Variants in SCN9A observed in about 807,000 individuals in gnomAD.
SCN9A encodes the protein sodium channel protein type 9 subunit alpha.
A neutral mutation model predicts 187.0 loss-of-function variants in SCN9A; 131 were observed. The observed-to-expected ratio is 0.70, with a 90% CI of 0.61 to 0.81. The LOEUF (loss-of-function observed/expected upper bound fraction) is 0.81, where lower values mean the gene tolerates loss of function less well. SCN9A is among the 30% of genes least tolerant of loss of function. The pLI, the probability that SCN9A is intolerant of heterozygous loss-of-function variation, is 0.00. For missense variants in SCN9A, 2,252 were observed against 2,396.6 expected (o/e 0.94, Z 1.26); for synonymous variants, 809 against 808.6 (o/e 1.00, Z -0.01).
chr2:166,214,316 C>T (rs1694225776), intron 24 of SCN9A, among the ~76,000 whole-genome samples: 1 of 152,084 alleles, frequency 6.6e-6, no homozygotes, highest in Non-Finnish European at 1.5e-5. Flanking sequence ...CATCTTCCAA[C>T]TTCCCCATGG....
chr2:166,204,095 T>G lies in SCN9A; in HGVS notation c.4634A>C (p.Glu1545Ala), dbSNP rs1693674775. ...EKEGQSQHMT[E>A]VLYWINVVFI... ...AACCACATTTATCCAATATAAAACT[T>G]CAGTCATATGTTGACTTTGACCCTC... is the stretch of plus-strand genomic sequence containing the variant. Residue 1545 changes from glutamate (E) to alanine (A), a missense_variant, in exon 26 of 27, where the codon GAA becomes GCA. Physicochemically the swap from Glu to Ala is moderately radical, Grantham distance 107 (BLOSUM62 -1). Transcript: ENST00000642356. 6.2e-7 allele frequency: 1 copy of G among 1,612,710 alleles called. No individual in the cohort carries two copies. Among genetic ancestry groups the G allele is most frequent in the Non-Finnish European group, 8.5e-7 (1 of 1,179,200 alleles).
chr2:166,262,440 C>A (rs2106442936), intron 17 of SCN9A, among the ~76,000 whole-genome samples: 1 of 151,970 alleles, frequency 6.6e-6, no homozygotes, highest in South Asian at 2.1e-4. Flanking sequence ...AAAAATCACA[C>A]ATTATTACCA....
At chr2:166,255,064 T>C (rs1696206748) in intron 17 of SCN9A, among the ~76,000 whole-genome samples, 1 of 151,062 alleles carries the variant, frequency 6.6e-6, no homozygotes, top group Non-Finnish European at 1.5e-5. Flanking sequence ...TTCCCTCCAC[T>C]ATCTCCTTGA....
chr2:166,210,778 G>A (rs1694054400), intron 24 of SCN9A, among the ~76,000 whole-genome samples: 1 of 152,146 alleles, frequency 6.6e-6, no homozygotes, highest in South Asian at 2.1e-4. Flanking sequence ...AGAAGTCTCG[G>A]CTGGGCATGG....
chr2:166,211,387 T>C (rs926036424), intron 24 of SCN9A, among the ~76,000 whole-genome samples: 1 of 152,088 alleles, frequency 6.6e-6, no homozygotes, highest in Admixed American at 6.5e-5. Context: ...TTATAGGAAA[T>C]GCTAAAGTGA....
At chr2:166,228,510 G>T (rs1213171397) in intron 22 of SCN9A, among the ~76,000 whole-genome samples, 181 bp downstream of exon 22, 1 of 151,816 alleles carries the variant, frequency 6.6e-6, no homozygotes, top group Non-Finnish European at 1.5e-5. Context: ...GCCCACCTTG[G>T]CCTCCCAAAG....
intron 10 of SCN9A, 62 bp from the exon 11 acceptor site, chr2:166,286,685 ACAGGACATC>A: frequency 3.0e-6 from 4 of 1,344,214 alleles, no homozygotes; most frequent in Non-Finnish European, 2.9e-6. Context: ...AAACCCTAGG[ACAGGACATC>A]TTTCACCTAT....
rs569525422 is a variant in SCN9A at position 166,361,318 on chromosome 2, GC to G, written c.-51+14378del. On this transcript the variant is annotated intron_variant, in intron 1 of 26. Coordinates refer to ENST00000642356, the MANE Select transcript of SCN9A (RefSeq NM_001365536.1). ...TATTTGCTTACTTTATAATAGAAAAGCTTTTGTATTGCATATACAAAACCTT... is the reference window on the plus strand; with the variant it reads ...TATTTGCTTACTTTATAATAGAAAAGTTTTGTATTGCATATACAAAACCTT... Among the ~76,000 whole-genome samples, 23 of 152,136 alleles carry G rather than the reference GC, an allele frequency of 1.5e-4. 1 individual carries two copies. The South Asian group carries it at 4.6e-3, about 30-fold the overall frequency.
chr2:166,210,957 AGGCT>A (rs1027426245), intron 24 of SCN9A, among the ~76,000 whole-genome samples: 4 of 152,208 alleles, frequency 2.6e-5, no homozygotes, highest in Admixed American at 2.6e-4. Context: ...GCTACTCGGG[AGGCT>A]GAGGCAGAGA....
chr2:166,306,242 C>T (rs1291122050), intron 4 of SCN9A, among the ~76,000 whole-genome samples: 1 of 152,090 alleles, frequency 6.6e-6, no homozygotes, highest in African/African-American at 2.4e-5. Flanking sequence ...ATAAAACATA[C>T]ACCCAAGAAT....
intron 1 of SCN9A, among the ~76,000 whole-genome samples, chr2:166,370,269 C>A (rs1273202962): frequency 7.1e-6 from 1 of 140,096 alleles, no homozygotes; most frequent in African/African-American, 2.8e-5. Context: ...ATGGGCTGAG[C>A]GCGGTGGCTC....
rs121908916 is a variant in SCN9A at position 166,303,162 on chromosome 2, G to T, written c.829C>A (p.Arg277=). The T allele has an allele frequency of 2.7e-5, 44 of 1,612,620 alleles. No individual in the cohort carries two copies. Among genetic ancestry groups the T allele is most frequent in the Middle Eastern group, 1.7e-4 (1 of 6,056 alleles). Residue 277 remains arginine (R), a synonymous_variant, in exon 7 of 27, where the codon CGA becomes AGA. Coordinates refer to ENST00000642356, the MANE Select transcript of SCN9A (RefSeq NM_001365536.1). Reference sequence around the variant, plus strand: ...GTTTCATTATTTTCAAGTGAATTTCGAAAACATTTATGCTTCAGGTTTCCC... The same window carrying T: ...GTTTCATTATTTTCAAGTGAATTTCTAAAACATTTATGCTTCAGGTTTCCC... ...FMGNLKHKCF[R]NSLENNETLE...
chr2:166,366,042 G>A (rs192417863), intron 1 of SCN9A, among the ~76,000 whole-genome samples: 11 of 152,316 alleles, frequency 7.2e-5, no homozygotes, highest in Non-Finnish European at 1.0e-4. Context: ...GAGGGACTCA[G>A]CAGCCGCTTA....
Position 166,204,154 on chromosome 2 carries a change from G to C in SCN9A, c.4575C>G (p.Ile1525Met), listed in dbSNP as rs961831587. 1 of 1,611,748 alleles carries C rather than the reference G, an allele frequency of 6.2e-7. No homozygotes were observed. The highest frequency in any genetic ancestry group is 8.5e-7 in the Non-Finnish European group (1 of 1,178,228). Residue 1525 changes from isoleucine (I) to methionine (M), a missense_variant, in exon 26 of 27, where the codon ATC (isoleucine) becomes ATG (methionine). Coordinates refer to ENST00000642356, the MANE Select transcript of SCN9A (RefSeq NM_001365536.1). ...CCATCATGGTTACCATGTTGAGACA[G>C]ATAAGAACCATGATACTAATATCAA... The part of the protein sequence containing the change: ...QAFDISIMVL[I>M]CLNMVTMMVE...
chr2:166,252,725 G>A (rs1424326030), intron 17 of SCN9A, among the ~76,000 whole-genome samples: 1 of 151,522 alleles, frequency 6.6e-6, no homozygotes, highest in Non-Finnish European at 1.5e-5. Flanking sequence ...ACGCAAATAG[G>A]TTTTTCTCAC....
chr2:166,330,567 C>T (rs928943829), intron 1 of SCN9A, among the ~76,000 whole-genome samples: 3 of 152,116 alleles, frequency 2.0e-5, no homozygotes, highest in Non-Finnish European at 2.9e-5. Context: ...TTAGTGATAA[C>T]ACCTGGCAAT....
rs1275434115 is a variant in SCN9A at position 166,199,755 on chromosome 2, C to T, written c.4884G>A (p.Lys1628=). ...GRILRLVKGA[K]GIRTLLFALM... The stretch of plus-strand genomic sequence containing the variant: ...AAGCAAAGAGCAGCGTGCGGATCCC[C>T]TTTGCTCCTTTGACTAGACGTAGGA... Residue 1628 remains lysine (K), a synonymous_variant, in exon 27 of 27, where the codon AAG becomes AAA. Coordinates refer to ENST00000642356, the MANE Select transcript of SCN9A (RefSeq NM_001365536.1). 3 of 1,614,080 alleles carry T rather than the reference C, an allele frequency of 1.9e-6. No homozygotes were observed. Among genetic ancestry groups the T allele is most frequent in the Non-Finnish European group, 2.5e-6 (3 of 1,180,026 alleles).
intron 9 of SCN9A, among the ~76,000 whole-genome samples, chr2:166,289,058 G>A (rs1397329483): frequency 6.6e-6 from 1 of 151,520 alleles, no homozygotes; most frequent in Non-Finnish European, 1.5e-5. Context: ...TTAACACTAG[G>A]CAGATGGTCT....
At chr2:166,311,376 A>ATATATATT (rs1698948310) in intron 2 of SCN9A, 123 bp downstream of exon 2, 1 of 127,852 alleles carries the variant, frequency 7.8e-6, no homozygotes, top group Admixed American at 8.4e-5. Flanking sequence ...ATATATATAT[A>ATATATATT]TTTAATTTAA....
Sources: gnomAD v4.1 joint callset for allele counts (sites outside exome capture counted in the v4.1 genomes callset) on GRCh38, gnomAD v4.1.1 for gene constraint, MANE v1.5 for transcripts, NCBI Gene and HGNC (gene_info 2026-07-23, HGNC 2026-07-21) for gene names.